Variants in COL4A6 observed in about 807,000 individuals in gnomAD.
COL4A6 encodes the protein collagen type IV alpha 6 chain.
COL4A6 carries 59 observed loss-of-function variants against 126.7 expected under a neutral mutation model. The ratio of observed to expected loss-of-function variants is 0.47; its 90% confidence interval spans 0.38 to 0.58. COL4A6 has a LOEUF of 0.58. COL4A6 is among the 20% of genes least tolerant of loss of function. The probability of loss-of-function intolerance (pLI) is 0.00; values close to 1 mark genes in which losing one functional copy is unlikely to be tolerated. For missense variants in COL4A6, 1,285 were observed against 1,337.3 expected, an observed-to-expected ratio of 0.96 and a Z score of 0.61; for synonymous variants, 547 against 496.6, an observed-to-expected ratio of 1.10 and a Z score of -1.35.
intron 2 of COL4A6, among the ~76,000 whole-genome samples, chrX:108,402,793 G>C (rs1010376978): frequency 5.4e-5 from 6 of 111,016 alleles, no homozygotes; most frequent in African/African-American, 2.0e-4. Flanking sequence ...CATATGGTTA[G>C]AAAACATGTT....
At chrX:108,232,023 T>C in intron 3 of COL4A6, among the ~76,000 whole-genome samples, 1 of 111,469 alleles carries the variant, frequency 9.0e-6, no homozygotes, top group Admixed American at 9.6e-5. Context: ...AATGCTAGCA[T>C]ATTAGTTTAG....
At chrX:108,180,486 A>G in intron 25 of COL4A6, 29 bp downstream of exon 25, 1 of 1,098,889 alleles carries the variant, frequency 9.1e-7, no homozygotes, top group South Asian at 1.9e-5. Context: ...CACAAAGAGA[A>G]GCAGGTGAGG....
At chrX:108,428,281 G>T (rs1215960605) in intron 2 of COL4A6, among the ~76,000 whole-genome samples, 1 of 112,403 alleles carries the variant, frequency 8.9e-6, no homozygotes, top group East Asian at 2.8e-4. Flanking sequence ...GCACAAGTTG[G>T]ACAAGTTTGT....
intron 3 of COL4A6, among the ~76,000 whole-genome samples, chrX:108,267,121 C>T (rs2037325214): frequency 8.9e-6 from 1 of 111,874 alleles, no homozygotes; most frequent in African/African-American, 3.2e-5. Flanking sequence ...CTTCTAGGGC[C>T]TGCCTGTATC....
chrX:108,273,877 C>A (rs960982310), intron 3 of COL4A6, among the ~76,000 whole-genome samples: 1 of 112,215 alleles, frequency 8.9e-6, no homozygotes, highest in African/African-American at 3.2e-5. Flanking sequence ...TGGAGATATA[C>A]ATGCTAATAT....
At chrX:108,353,789 G>C (rs896589633) in intron 2 of COL4A6, among the ~76,000 whole-genome samples, 4 of 112,210 alleles carry the variant, frequency 3.6e-5, no homozygotes, top group Non-Finnish European at 5.6e-5. Flanking sequence ...ATCTTGAAAG[G>C]GTTTTAGTGT....
At chrX:108,235,135 G>T (rs1602886194) in intron 3 of COL4A6, among the ~76,000 whole-genome samples, 1 of 111,427 alleles carries the variant, frequency 9.0e-6, no homozygotes, top group Non-Finnish European at 1.9e-5. Flanking sequence ...CCAGGTCTGG[G>T]CACTGGCAAA....
chrX:108,237,345 C>T (rs2036454084), intron 3 of COL4A6, among the ~76,000 whole-genome samples: 1 of 111,965 alleles, frequency 8.9e-6, no homozygotes, highest in African/African-American at 3.2e-5. Flanking sequence ...TCAACTCCCA[C>T]CTGTCTTTGC....
At chrX:108,306,149 G>A (rs1371380475) in intron 3 of COL4A6, among the ~76,000 whole-genome samples, 1 of 112,001 alleles carries the variant, frequency 8.9e-6, no homozygotes, top group Non-Finnish European at 1.9e-5. Context: ...GGAACAGAAA[G>A]TTTCAGGAGA....
intron 2 of COL4A6, among the ~76,000 whole-genome samples, chrX:108,424,038 T>G (rs1358114677): frequency 9.0e-6 from 1 of 111,445 alleles, no homozygotes; most frequent in Non-Finnish European, 1.9e-5. Flanking sequence ...GCTCTAGCTC[T>G]TCTCACTGCC....
At chrX:108,355,609 A>C (rs780340604) in intron 2 of COL4A6, among the ~76,000 whole-genome samples, 2 of 111,954 alleles carry the variant, frequency 1.8e-5, no homozygotes, top group Non-Finnish European at 1.9e-5. Context: ...TAAGGCAATC[A>C]CAGGGTGATA....
chrX:108,276,051 G>A (rs979291793), intron 3 of COL4A6, among the ~76,000 whole-genome samples: 2 of 112,747 alleles, frequency 1.8e-5, no homozygotes, highest in African/African-American at 3.2e-5. Flanking sequence ...ACAAATGTTA[G>A]TTCCAAGTGA....
At chrX:108,302,034 T>A (rs1350862096) in intron 3 of COL4A6, among the ~76,000 whole-genome samples, 1 of 111,551 alleles carries the variant, frequency 9.0e-6, no homozygotes, top group African/African-American at 3.3e-5. Flanking sequence ...TTAAGTATGG[T>A]TTAGGCCAGT....
At chrX:108,422,712 A>C (rs963249221) in intron 2 of COL4A6, among the ~76,000 whole-genome samples, 4 of 112,243 alleles carry the variant, frequency 3.6e-5, no homozygotes, top group Admixed American at 9.5e-5. Context: ...GAGCAATCTC[A>C]GCACCTTTGG....
At chrX:108,250,657 A>G (rs2036828967) in intron 3 of COL4A6, among the ~76,000 whole-genome samples, 1 of 111,335 alleles carries the variant, frequency 9.0e-6, no homozygotes, top group South Asian at 3.8e-4. Flanking sequence ...ACCAGTCACA[A>G]TGCCCCATGC....
chrX:108,260,628 G>A (rs935194498), intron 3 of COL4A6, among the ~76,000 whole-genome samples: 15 of 111,141 alleles, frequency 1.3e-4, no homozygotes, highest in Non-Finnish European at 1.9e-4. Flanking sequence ...CCAGTCACAA[G>A]GAACTGTGAA....
intron 23 of COL4A6, among the ~76,000 whole-genome samples, chrX:108,186,265 TATCC>T (rs2034855590): frequency 8.9e-6 from 1 of 111,993 alleles, no homozygotes; most frequent in Admixed American, 9.5e-5. Context: ...CTCACTCATC[TATCC>T]ATCCATCCAA....
chrX:108,182,736 C>T (rs1925766450), intron 23 of COL4A6, among the ~76,000 whole-genome samples: 1 of 112,256 alleles, frequency 8.9e-6, no homozygotes, highest in Non-Finnish European at 1.9e-5. Context: ...CTCAATAGCT[C>T]ATTGGCTCCA....
At chrX:108,213,975 G>T (rs760948979) in intron 6 of COL4A6, 137 bp downstream of exon 6, 1 of 520,590 alleles carries the variant, frequency 1.9e-6, no homozygotes, top group East Asian at 3.4e-5. Context: ...GGTGCTGCCA[G>T]TATTGACTCC....
Sources: allele counts gnomAD v4.1 joint callset (sites outside exome capture counted in the v4.1 genomes callset), GRCh38; gene constraint gnomAD v4.1.1; transcripts MANE v1.5; gene names NCBI Gene and HGNC (gene_info 2026-07-23, HGNC 2026-07-21).